The following SH3BP4 variants were observed in gnomAD, a reference collection of about 807,000 sequenced individuals.
SH3BP4 encodes SH3 domain-binding protein 4.
Under a neutral mutation model 65.5 loss-of-function variants are expected in SH3BP4, and 33 were observed. That is an observed-to-expected ratio of 0.50 (90% CI 0.38 to 0.67). SH3BP4 has a LOEUF of 0.67. Ranked by LOEUF, SH3BP4 falls within the 30% of genes least tolerant of loss-of-function variation. SH3BP4 has a pLI of 0.00. For synonymous variants in SH3BP4, 552 were observed against 545.5 expected, an observed-to-expected ratio of 1.01 and a Z score of -0.17; for missense variants, 1,134 against 1,261.4, an observed-to-expected ratio of 0.90 and a Z score of 1.53.
At chr2:235,002,755 C>T (rs1455501145) in intron 2 of SH3BP4, among the ~76,000 whole-genome samples, 2 of 152,190 alleles carry the variant, frequency 1.3e-5, no homozygotes, top group Non-Finnish European at 2.9e-5. Flanking sequence ...CAAAAAGGGT[C>T]AGGCATTTGG....
chr2:234,983,619 A>T (rs1693457886), intron 1 of SH3BP4, among the ~76,000 whole-genome samples: 2 of 152,324 alleles, frequency 1.3e-5, no homozygotes, highest in South Asian at 4.1e-4. Flanking sequence ...TGCAGGTGTG[A>T]TTCATTGAAG....
rs1327288461 is a variant in SH3BP4, at chr2:235,038,273, AATATATAT to A, written c.119-2614_119-2607del. Among the ~76,000 whole-genome samples, 67 of 26,028 alleles carry A rather than the reference AATATATAT, an allele frequency of 2.6e-3. 3 individuals are homozygous for A. The African/African-American group carries it at 0.029, about 11-fold the overall frequency. 17.1% of individuals were successfully genotyped at this position (26,028 alleles called of 152,430 possible). On this transcript the variant is annotated intron_variant, in intron 3 of 5. Coordinates refer to ENST00000392011, the MANE Select transcript of SH3BP4 (RefSeq NM_014521.3). ...ATTATATATAATATATATTATATAT[AATATATAT>A]TATATATAATATATATATTATATAT...
At chr2:235,010,810 T>C in intron 2 of SH3BP4, among the ~76,000 whole-genome samples, 1 of 64,566 alleles carries the variant, frequency 1.5e-5, no homozygotes, top group Non-Finnish European at 3.7e-5. Flanking sequence ...CCTTCCTCCC[T>C]CTTCTAGAAC....
chr2:235,023,021 G>A (rs923039304), intron 2 of SH3BP4, among the ~76,000 whole-genome samples: 12 of 152,168 alleles, frequency 7.9e-5, no homozygotes, highest in Admixed American at 1.3e-4. Flanking sequence ...AGGAGAAATA[G>A]GTGTACCTTT....
At chr2:234,955,380 C>T (rs1436742434) in intron 1 of SH3BP4, among the ~76,000 whole-genome samples, 2 of 152,120 alleles carry the variant, frequency 1.3e-5, no homozygotes, top group Admixed American at 6.5e-5. Context: ...GACAGAAAAA[C>T]AATTCATCTA....
chr2:235,025,956 T>C (rs1694988192), intron 2 of SH3BP4, among the ~76,000 whole-genome samples: 1 of 152,142 alleles, frequency 6.6e-6, no homozygotes, highest in African/African-American at 2.4e-5. Flanking sequence ...GTGCATGGGA[T>C]GTACGGAGGA....
In SH3BP4 at chr2:235,042,627, T is replaced by G; in HGVS notation, c.1858T>G (p.Ser620Ala). The G allele has an allele frequency of 8.1e-6, 13 of 1,614,074 alleles. No individual in the cohort carries two copies. The highest frequency in any genetic ancestry group is 1.0e-5 in the Non-Finnish European group (12 of 1,180,018). Residue 620 changes from serine (S) to alanine (A), a missense_variant, in exon 4 of 6, where the codon TCC becomes GCC. Physicochemically the swap from Ser to Ala is moderately conservative, Grantham distance 99. Transcript: ENST00000392011. This position sits in a 1 kb window ranked among gnomAD's most constrained non-coding sequence, Gnocchi z 7.3. ...ACCCCCTAAAAGTGCCATCAAGCCT[T>G]CCGGGCAAAGGAGGTTTCTCAAGAA... is the stretch of plus-strand genomic sequence containing the variant. The part of the protein sequence containing the change: ...QPPPKSAIKP[S>A]GQRRFLKKNE...
chr2:235,046,521 A>G lies in SH3BP4; in HGVS notation c.2478+3274A>G, dbSNP rs938682767. Among the ~76,000 whole-genome samples, 1 of 152,054 alleles carries G rather than the reference A, an allele frequency of 6.6e-6. No individual in the cohort carries two copies. The highest frequency in any genetic ancestry group is 1.5e-5 in the Non-Finnish European group (1 of 68,024). ...CAGGAGGTCGAGGCTACACTGAGCT[A>G]TGATCGCAGCACTGCACTCCAGCCT... On this transcript the variant is annotated intron_variant, in intron 4 of 5. Coordinates refer to ENST00000392011, the MANE Select transcript of SH3BP4 (RefSeq NM_014521.3). This position sits in a 1 kb window ranked among gnomAD's most constrained non-coding sequence, Gnocchi z 4.2.
intron 2 of SH3BP4, among the ~76,000 whole-genome samples, chr2:235,013,638 G>GGT (rs1694592629): frequency 6.6e-6 from 1 of 152,214 alleles, no homozygotes; most frequent in African/African-American, 2.4e-5. Flanking sequence ...TTGGACTGAG[G>GGT]GTAAGGGGGT....
chr2:235,050,211 G>A (rs995439115), intron 4 of SH3BP4, among the ~76,000 whole-genome samples: 4 of 152,094 alleles, frequency 2.6e-5, no homozygotes, highest in African/African-American at 9.7e-5. Flanking sequence ...CGCCTCCCGG[G>A]TTCACGCCAT....
rs575964612 is a variant in SH3BP4 at position 235,049,690 on chromosome 2, G to T, written c.2479-2872G>T. On this transcript the variant is annotated intron_variant, in intron 4 of 5. Coordinates refer to ENST00000392011, the MANE Select transcript of SH3BP4 (RefSeq NM_014521.3). ...ATATATCCAAATTCAAATAGAAACA[G>T]ACCTTCTTCTGAAATATATAAATAG... Among the ~76,000 whole-genome samples, 75 of 152,310 alleles carry T rather than the reference G, an allele frequency of 4.9e-4. No individual in the cohort carries two copies. In the Middle Eastern group the frequency reaches 0.01, roughly 21 times the overall value.
In SH3BP4 at chr2:234,978,165, A is replaced by G. The variant is rs1234656676; in HGVS notation, c.-206-17138A>G. ...GAGAAGGGGTTTCACCATGTTGGCC[A>G]GGCTGGAATCGAACTCCCGACCTCA... On this transcript the variant is annotated intron_variant, in intron 1 of 5. Transcript: ENST00000392011. The surrounding 1 kb of genome is among the most constrained non-coding windows in gnomAD (Gnocchi z 4.1). 1.3e-5 allele frequency among the ~76,000 whole-genome samples: 2 copies of G among 152,162 alleles called. No individual in the cohort carries two copies. Among genetic ancestry groups the G allele is most frequent in the Non-Finnish European group, 2.9e-5 (2 of 68,038 alleles).
At chr2:234,972,345 T>C (rs56770271) in intron 1 of SH3BP4, among the ~76,000 whole-genome samples, 44,168 of 151,714 alleles carry the variant, frequency 0.29, 8,776 homozygotes, top group East Asian at 0.73. Flanking sequence ...TGTGGCCAGG[T>C]TGGTCTCGGA....
At chr2:235,020,403 A>G (rs953713298) in intron 2 of SH3BP4, among the ~76,000 whole-genome samples, 1 of 152,170 alleles carries the variant, frequency 6.6e-6, no homozygotes, top group Non-Finnish European at 1.5e-5. Flanking sequence ...AGACAGGGGC[A>G]GGAGAATTGC....
rs1696072394 is a variant in SH3BP4 at position 235,052,083 on chromosome 2, G to A, written c.2479-479G>A. ...GTCTGGAAGCAGTGGGGGAGAAGGG[G>A]TTGCAGGCCTGCCTCTCCTAAGCCC... On this transcript the variant is annotated intron_variant, in intron 4 of 5. Transcript: ENST00000392011. This position sits in a 1 kb window ranked among gnomAD's most constrained non-coding sequence, Gnocchi z 5.0. Among the ~76,000 whole-genome samples, 1 of 152,196 alleles carries A rather than the reference G, an allele frequency of 6.6e-6. No homozygotes were observed. Among genetic ancestry groups the A allele is most frequent in the African/African-American group, 2.4e-5 (1 of 41,454 alleles).
chr2:234,991,230 G>C lies in SH3BP4; in HGVS notation c.-206-4073G>C, dbSNP rs899004511. 6.6e-6 allele frequency among the ~76,000 whole-genome samples: 1 copy of C among 152,148 alleles called. No homozygotes were observed. Among genetic ancestry groups the C allele is most frequent in the Non-Finnish European group, 1.5e-5 (1 of 68,028 alleles). On this transcript the variant is annotated intron_variant, in intron 1 of 5. Transcript: ENST00000392011. This position sits in a 1 kb window ranked among gnomAD's most constrained non-coding sequence, Gnocchi z 4.2. The stretch of plus-strand genomic sequence containing the variant: ...TGTGTGTGAATATAGCTTCCTGTTT[G>C]GATGTGGTAGGGTGAGGACCATGAG...
In SH3BP4 at chr2:235,042,405, A is replaced by T. The variant is rs1419928520; in HGVS notation, c.1636A>T (p.Thr546Ser). ...CAAGGTCTGTATGTTTTCCAATATGACGAATTACGAGGTCAAAGCCAGCGA... is the reference window on the plus strand; with the variant it reads ...CAAGGTCTGTATGTTTTCCAATATGTCGAATTACGAGGTCAAAGCCAGCGA... ...DLKVCMFSNM[T>S]NYEVKASEQA... Residue 546 changes from threonine (T) to serine (S), a missense_variant, in exon 4 of 6, where the codon ACG becomes TCG. Thr to Ser is a moderately conservative substitution (Grantham distance 58, BLOSUM62 1). Transcript: ENST00000392011. This position sits in a 1 kb window ranked among gnomAD's most constrained non-coding sequence, Gnocchi z 7.3. 1 of 1,614,002 alleles carries T rather than the reference A, an allele frequency of 6.2e-7. No individual in the cohort carries two copies. Among genetic ancestry groups the T allele is most frequent in the Non-Finnish European group, 8.5e-7 (1 of 1,180,000 alleles).
intron 1 of SH3BP4, among the ~76,000 whole-genome samples, chr2:234,988,558 C>T (rs1205892829): frequency 6.6e-6 from 1 of 152,212 alleles, no homozygotes; most frequent in Non-Finnish European, 1.5e-5. Flanking sequence ...AGTCTTCCGG[C>T]CACACAGGTG....
intron 1 of SH3BP4, among the ~76,000 whole-genome samples, chr2:234,971,529 A>G (rs1692999886): frequency 6.6e-6 from 1 of 152,156 alleles, no homozygotes; most frequent in South Asian, 2.1e-4. Context: ...GCTGGATTAT[A>G]TGGTAATTCT....
Sources: gnomAD v4.1 joint callset for allele counts (sites outside exome capture counted in the v4.1 genomes callset) on GRCh38, gnomAD v4.1.1 for gene constraint, Gnocchi (gnomAD v3.1) non-coding constraint, MANE v1.5 for transcripts, NCBI Gene and HGNC (gene_info 2026-07-23, HGNC 2026-07-21) for gene names.